Variants in EIF4G3 observed in about 807,000 individuals in gnomAD.
EIF4G3 encodes eIF-4-gamma 3.
In EIF4G3, 34 loss-of-function variants were observed where a neutral mutation model predicts 186.4. The ratio of observed to expected loss-of-function variants is 0.18; its 90% CI spans 0.14 to 0.24. The LOEUF (loss-of-function observed/expected upper bound fraction) is 0.24. EIF4G3 is among the 10% of genes least tolerant of loss of function. The pLI, the probability that EIF4G3 is intolerant of heterozygous loss-of-function variation, is 1.00. For missense variants in EIF4G3, 1,536 were observed against 1,948.5 expected (o/e 0.79, Z 3.99); for synonymous variants, 673 against 679.5 (o/e 0.99, Z 0.15).
chr1:20,969,027 T>C (rs963002450), intron 12 of EIF4G3, among the ~76,000 whole-genome samples: 1 of 152,218 alleles, frequency 6.6e-6, no homozygotes, highest in African/African-American at 2.4e-5. Flanking sequence ...TACATCCTAA[T>C]ATGCTCTCAA....
chr1:20,906,600 C>T (rs888757930), intron 14 of EIF4G3, among the ~76,000 whole-genome samples: 4 of 151,886 alleles, frequency 2.6e-5, no homozygotes, highest in African/African-American at 7.3e-5. Flanking sequence ...TATACTCAAC[C>T]CCAAAACATG....
intron 22 of EIF4G3, among the ~76,000 whole-genome samples, chr1:20,863,445 C>CTT (rs2076849763): frequency 8.4e-6 from 1 of 119,578 alleles, no homozygotes. Flanking sequence ...TTTTTTTTTT[C>CTT]CTTTTTTTTT....
Position 21,098,654 on chromosome 1 carries a change from G to C in EIF4G3, c.-271-9441C>G, listed in dbSNP as rs374041498. 3.9e-5 allele frequency among the ~76,000 whole-genome samples: 6 copies of C among 152,056 alleles called. No homozygotes were observed. The South Asian group carries it at 6.2e-4, about 16-fold the overall frequency. Reference sequence around the variant, plus strand: ...TTTCAAATGGGCAAAAGTTTGCTGTGGTTGCTGTTTTGAGAGACAGGGTCT... The same window carrying C: ...TTTCAAATGGGCAAAAGTTTGCTGTCGTTGCTGTTTTGAGAGACAGGGTCT... On this transcript the variant is annotated intron_variant, in intron 2 of 36. Coordinates refer to ENST00000602326, the MANE Select transcript of EIF4G3 (RefSeq NM_001391906.1).
At chr1:20,983,593 G>A (rs1448623521) in intron 7 of EIF4G3, among the ~76,000 whole-genome samples, 1 of 152,156 alleles carries the variant, frequency 6.6e-6, no homozygotes. Context: ...GGAGCCACAA[G>A]AATGATACAA....
At chr1:21,157,361 AGTT>A (rs1322645580) in intron 2 of EIF4G3, among the ~76,000 whole-genome samples, 1 of 151,026 alleles carries the variant, frequency 6.6e-6, no homozygotes, top group Non-Finnish European at 1.5e-5. Context: ...TTTTTCTTGT[AGTT>A]TTTTTTTGTT....
At chr1:20,856,955 G>C (rs566843737) in intron 25 of EIF4G3, among the ~76,000 whole-genome samples, 112 of 152,154 alleles carry the variant, frequency 7.4e-4, no homozygotes, top group African/African-American at 2.4e-3. Context: ...AAGGTCAGGA[G>C]ATCGAGACCA....
intron 3 of EIF4G3, among the ~76,000 whole-genome samples, chr1:21,058,860 C>T (rs2094725985): frequency 6.6e-6 from 1 of 151,150 alleles, no homozygotes; most frequent in Non-Finnish European, 1.5e-5. Context: ...TGAGCCACCA[C>T]ACCTGGCCAA....
intron 4 of EIF4G3, among the ~76,000 whole-genome samples, chr1:21,012,407 T>C (rs1034059861): frequency 1.3e-5 from 2 of 152,206 alleles, no homozygotes; most frequent in Non-Finnish European, 2.9e-5. Flanking sequence ...GCAAAAATTC[T>C]ATTGATGCAT....
At chr1:21,025,332 T>TA (rs2091903282) in intron 4 of EIF4G3, among the ~76,000 whole-genome samples, 1 of 152,090 alleles carries the variant, frequency 6.6e-6, no homozygotes, top group Admixed American at 6.5e-5. Context: ...AGAGAGCCAT[T>TA]ACAACAATAT....
rs116283744 is a variant in EIF4G3 at position 20,983,740 on chromosome 1, G to A, written c.178-1332C>T. Among the ~76,000 whole-genome samples, 290 of 152,212 alleles carry A rather than the reference G, an allele frequency of 1.9e-3. 2 individuals carry two copies. Among genetic ancestry groups the A allele is most frequent in the African/African-American group, 6.6e-3 (275 of 41,532 alleles). Reference sequence around the variant, plus strand: ...GGGCAGCCCAGCCAAGATAAAGGGCGTATCAAATGAACACAGGTGATCATC... The same window carrying A: ...GGGCAGCCCAGCCAAGATAAAGGGCATATCAAATGAACACAGGTGATCATC... On this transcript the variant is annotated intron_variant, in intron 7 of 36. Transcript: ENST00000602326.
chr1:20,972,878 G>T, intron 11 of EIF4G3, 124 bp downstream of exon 11: 1 of 731,830 alleles, frequency 1.4e-6, no homozygotes, highest in Non-Finnish European at 2.1e-6. Flanking sequence ...GACTATAAGG[G>T]AAGAATAAAA....
At chr1:21,127,753 G>C (rs2097075001) in intron 2 of EIF4G3, among the ~76,000 whole-genome samples, 1 of 152,012 alleles carries the variant, frequency 6.6e-6, no homozygotes, top group African/African-American at 2.4e-5. Context: ...CAAAATATGA[G>C]AAAAGTACAG....
chr1:21,090,383 G>A (rs531161161), intron 2 of EIF4G3, among the ~76,000 whole-genome samples: 1 of 152,264 alleles, frequency 6.6e-6, no homozygotes, highest in East Asian at 1.9e-4. Context: ...CACTTGCAAA[G>A]ACTAAATTTC....
intron 12 of EIF4G3, among the ~76,000 whole-genome samples, chr1:20,954,534 CA>C (rs35942587): frequency 0.18 from 8,816 of 49,454 alleles, 162 homozygotes; most frequent in East Asian, 0.37. Flanking sequence ...GACCCCGTCT[CA>C]AAAAAAAAAA....
At chr1:21,129,880 A>G (rs146873982) in intron 2 of EIF4G3, among the ~76,000 whole-genome samples, 617 of 152,230 alleles carry the variant, frequency 4.1e-3, no homozygotes, top group Middle Eastern at 0.014. Flanking sequence ...TGGCTGCTAC[A>G]TGGAAGAGGG....
At chr1:20,841,319 A>T (rs1399130202) in intron 29 of EIF4G3, 1 of 198,658 alleles carries the variant, frequency 5.0e-6, no homozygotes, top group East Asian at 1.2e-4. Flanking sequence ...AATAAAAAAA[A>T]TTTTATAATG....
intron 2 of EIF4G3, among the ~76,000 whole-genome samples, chr1:21,173,616 C>T (rs747715460): frequency 2.6e-5 from 4 of 151,640 alleles, no homozygotes; most frequent in Non-Finnish European, 5.9e-5. Flanking sequence ...GGAATCCAGC[C>T]GGCGTAGGTT....
At chr1:20,876,410 T>TGA (rs1015940342) in intron 20 of EIF4G3, among the ~76,000 whole-genome samples, 29 of 136,590 alleles carry the variant, frequency 2.1e-4, no homozygotes, top group African/African-American at 6.0e-4. Context: ...CTATCTGTAA[T>TGA]GACCTAGACG....
chr1:21,163,059 A>G (rs1195754850), intron 2 of EIF4G3, among the ~76,000 whole-genome samples: 2 of 152,152 alleles, frequency 1.3e-5, no homozygotes, highest in African/African-American at 4.8e-5. Flanking sequence ...TCATGGTGGC[A>G]CCTTTCAAAG....
Sources: allele counts gnomAD v4.1 joint callset (sites outside exome capture counted in the v4.1 genomes callset), GRCh38; gene constraint gnomAD v4.1.1; transcripts MANE v1.5; gene names NCBI Gene and HGNC (gene_info 2026-07-23, HGNC 2026-07-21).